Variants in NPM1 observed in about 807,000 individuals in gnomAD.
NPM1 encodes the protein nucleophosmin 1.
Under a neutral mutation model 44.1 loss-of-function variants are expected in NPM1, and 1 was observed. That is an observed-to-expected ratio of 0.02 (90% confidence interval 0.01 to 0.11). The LOEUF (loss-of-function observed/expected upper bound fraction) is 0.11, where lower values mean the gene tolerates loss of function less well. Ranked by LOEUF, NPM1 falls within the 10% of genes least tolerant of loss-of-function variation. The probability of loss-of-function intolerance (pLI) is 1.00; values close to 1 mark genes in which losing one functional copy is unlikely to be tolerated. For missense variants in NPM1, 197 were observed against 347.8 expected, an observed-to-expected ratio of 0.57 and a Z score of 3.45; for synonymous variants, 126 against 111.8, an observed-to-expected ratio of 1.13 and a Z score of -0.80.
chr5:171,403,374 A>G (rs1771338696), intron 8 of NPM1, among the ~76,000 whole-genome samples: 1 of 100,116 alleles, frequency 1.0e-5, no homozygotes, highest in Non-Finnish European at 2.1e-5. Flanking sequence ...TTCTTAGTGC[A>G]GAACAAAATG....
intron 1 of NPM1, 62 bp downstream of exon 1, chr5:171,388,068 T>TGGGGGG: frequency 4.2e-6 from 3 of 719,944 alleles, no homozygotes; most frequent in East Asian, 3.8e-5. Context: ...AGGGTGGGGG[T>TGGGGGG]GAGGGGCGGG....
At chr5:171,388,078 G>T in intron 1 of NPM1, 72 bp downstream of exon 1, 123 of 616,672 alleles carry the variant, frequency 2.0e-4, no homozygotes, top group East Asian at 4.3e-4. Flanking sequence ...TGAGGGGCGG[G>T]AATCCGGCTG....
intron 6 of NPM1, among the ~76,000 whole-genome samples, chr5:171,398,945 C>T (rs1047758567): frequency 7.3e-5 from 11 of 151,454 alleles, no homozygotes; most frequent in South Asian, 2.1e-4. Flanking sequence ...CTGCAACCTC[C>T]GCCTCCTGGT....
Position 171,388,000 on chromosome 5 carries a change from C to T in NPM1, c.52C>T (p.Leu18Phe), listed in dbSNP as rs1446401368. ...DMSPLRPQNYLFGCELKADKD... is the reference protein window; with the variant it reads ...DMSPLRPQNYFFGCELKADKD... ...GAGCCCCCTGAGGCCCCAGAACTAT[C>T]TTTTCGGTAACTGCTGGGGGGAGCT... is the stretch of plus-strand genomic sequence containing the variant. Residue 18 changes from leucine (L) to phenylalanine (F), a missense_variant, in exon 1 of 11, where the codon CTT becomes TTT. Leu to Phe is a conservative substitution (Grantham distance 22). Coordinates refer to ENST00000296930, the MANE Select transcript of NPM1 (RefSeq NM_002520.7). 1 of 1,493,338 alleles carries T rather than the reference C, an allele frequency of 6.7e-7. No homozygotes were observed. Among genetic ancestry groups the T allele is most frequent in the Non-Finnish European group, 9.1e-7 (1 of 1,104,222 alleles). The allele number at this position is 1,493,338 out of a possible 1,614,324, so 92.5% of individuals were successfully genotyped here. A position where few individuals can be genotyped will look rare whatever the true frequency, so the allele number is the denominator to read the frequency against.
At chr5:171,404,113 C>G (rs1335412627) in intron 8 of NPM1, among the ~76,000 whole-genome samples, 1 of 67,538 alleles carries the variant, frequency 1.5e-5, no homozygotes, top group Admixed American at 1.3e-4. Flanking sequence ...TCCCGGACGG[C>G]ACGGCTGGCC....
At chr5:171,401,372 TGTG>T (rs1441177960) in intron 8 of NPM1, among the ~76,000 whole-genome samples, 1 of 151,834 alleles carries the variant, frequency 6.6e-6, no homozygotes, top group African/African-American at 2.4e-5. Flanking sequence ...ATCAGCTTGT[TGTG>T]TGTTGTAGGT....
rs112330400 is a variant in NPM1, at chr5:171,387,852, T to C, written c.-97T>C. On this transcript the variant is annotated 5_prime_UTR_variant, in exon 1 of 11. Transcript: ENST00000296930. ...ATAAGCGCGGGGAGCCTGCGTCCTT[T>C]CCCTGGTGTGATTCCGTCCTGCGCG... 19 of 1,165,336 alleles carry C rather than the reference T, an allele frequency of 1.6e-5. No homozygotes were observed. The highest frequency in any genetic ancestry group is 5.5e-5 in the Admixed American group (3 of 54,562). 72.2% of individuals were successfully genotyped at this position (1,165,336 alleles called of 1,614,324 possible).
At chr5:171,388,573 GCACGTGGTTGC>G (rs892829756) in intron 1 of NPM1, among the ~76,000 whole-genome samples, 1 of 140,308 alleles carries the variant, frequency 7.1e-6, no homozygotes, top group East Asian at 2.4e-4. Context: ...ACCGCTGGGA[GCACGTGGTTGC>G]CACGTGGTTG....
intron 6 of NPM1, among the ~76,000 whole-genome samples, chr5:171,399,776 GTATT>G (rs1405725371): frequency 5.3e-5 from 8 of 151,918 alleles, no homozygotes; most frequent in African/African-American, 1.9e-4. Context: ...GGTATAGTGT[GTATT>G]TATGCAAAAC....
intron 8 of NPM1, among the ~76,000 whole-genome samples, chr5:171,402,661 G>A (rs1409283722): frequency 7.1e-6 from 1 of 141,818 alleles, no homozygotes; most frequent in Non-Finnish European, 1.5e-5. Flanking sequence ...TAATCCCCAC[G>A]TGTTGGAAGA....
rs375240010 is a variant in NPM1, at chr5:171,397,072, C to G, written c.525-3081C>G. ...CATCACCTCAATGAGAAATCGTACT[C>G]TATAGGTATTACCCCTCATGCTCTT... On this transcript the variant is annotated intron_variant, in intron 6 of 10. Transcript: ENST00000296930. 2.5e-4 allele frequency among the ~76,000 whole-genome samples: 38 copies of G among 152,298 alleles called. No individual in the cohort carries two copies. In the East Asian group the frequency reaches 6.0e-3, roughly 24 times the overall value.
chr5:171,388,731 C>A (rs537452966), intron 1 of NPM1, among the ~76,000 whole-genome samples: 78 of 152,286 alleles, frequency 5.1e-4, no homozygotes, highest in Middle Eastern at 3.4e-3. Context: ...GGTCTTTGTT[C>A]AGTGCTTACA....
chr5:171,388,455 G>A (rs977686684), intron 1 of NPM1, among the ~76,000 whole-genome samples: 1 of 152,174 alleles, frequency 6.6e-6, no homozygotes, highest in African/African-American at 2.4e-5. Context: ...TGCACAGCCT[G>A]GCGTTATTCT....
At chr5:171,392,353 T>C (rs1770620612) in intron 4 of NPM1, among the ~76,000 whole-genome samples, 1 of 152,152 alleles carries the variant, frequency 6.6e-6, no homozygotes. Flanking sequence ...GCCTCTGGAA[T>C]AGCTAGAACT....
At chr5:171,403,667 G>A (rs1441332056) in intron 8 of NPM1, among the ~76,000 whole-genome samples, 8 of 143,872 alleles carry the variant, frequency 5.6e-5, no homozygotes, top group East Asian at 2.2e-4. Context: ...CCCGGACGGG[G>A]CGGCTGGCCA....
chr5:171,395,456 C>T (rs112529470), intron 6 of NPM1, among the ~76,000 whole-genome samples: 13 of 152,104 alleles, frequency 8.5e-5, no homozygotes, highest in African/African-American at 1.9e-4. Context: ...CTTGCCACCA[C>T]GCCTGGCTAA....
At chr5:171,393,657 G>A (rs1229557671) in intron 6 of NPM1, among the ~76,000 whole-genome samples, 3 of 152,226 alleles carry the variant, frequency 2.0e-5, no homozygotes, top group Non-Finnish European at 1.5e-5. Context: ...TTGTCCTTCA[G>A]TTCTGAGGTT....
intron 7 of NPM1, 77 bp downstream of exon 7, chr5:171,400,287 G>T: frequency 2.7e-5 from 30 of 1,131,664 alleles, no homozygotes; most frequent in Non-Finnish European, 3.6e-5. Context: ...TGCTTGTTTT[G>T]TAGTTAAGGG....
At chr5:171,388,604 G>T (rs1292664874) in intron 1 of NPM1, among the ~76,000 whole-genome samples, 1 of 151,818 alleles carries the variant, frequency 6.6e-6, no homozygotes. Flanking sequence ...GGGGGAGGGA[G>T]GGGGGTGTGG....
Sources: allele counts gnomAD v4.1 joint callset (sites outside exome capture counted in the v4.1 genomes callset), GRCh38; gene constraint gnomAD v4.1.1; transcripts MANE v1.5; gene names NCBI Gene and HGNC (gene_info 2026-07-23, HGNC 2026-07-21).